DRC8: variants seen among roughly 807,000 people sequenced by gnomAD.
DRC8 encodes the protein dynein regulatory complex subunit 8, also known as dynein regulatory complex protein 8.
At chr1:245,012,232 G>A in the DRC8 span, among the ~76,000 whole-genome samples, 1 of 152,038 alleles carries the variant, frequency 6.6e-6, no homozygotes, top group Non-Finnish European at 1.5e-5. Flanking sequence ...GTTCTTTAGA[G>A]ATGGAAGGAT....
At chr1:245,022,101 A>G in the DRC8 span, among the ~76,000 whole-genome samples, 1 of 151,502 alleles carries the variant, frequency 6.6e-6, no homozygotes, top group Non-Finnish European at 1.5e-5. Flanking sequence ...CAGGTTTTCA[A>G]TATCACTAAT....
chr1:245,079,193 A>G, the DRC8 span, among the ~76,000 whole-genome samples: 3 of 152,118 alleles, frequency 2.0e-5, no homozygotes, highest in Non-Finnish European at 4.4e-5. Context: ...ATGTTTTTGT[A>G]CTCAAGAACA....
the DRC8 span, among the ~76,000 whole-genome samples, chr1:245,095,076 G>T: frequency 6.6e-6 from 1 of 152,192 alleles, no homozygotes; most frequent in Admixed American, 6.5e-5. Context: ...GGAGCCAAGG[G>T]GGCATCTGAG....
chr1:244,970,656 G>T, the DRC8 span: 3 of 38,792 alleles, frequency 7.7e-5, no homozygotes, highest in African/African-American at 5.6e-4. Flanking sequence ...GCCCCGCCCC[G>T]CCTCTCTCCC....
chr1:245,038,160 G>A, the DRC8 span, among the ~76,000 whole-genome samples: 1 of 152,140 alleles, frequency 6.6e-6, no homozygotes, highest in African/African-American at 2.4e-5. Context: ...AGCAAGAATA[G>A]GCAAGAAAAC....
the DRC8 span, among the ~76,000 whole-genome samples, chr1:244,976,554 G>A: frequency 6.6e-6 from 1 of 152,268 alleles, no homozygotes; most frequent in Non-Finnish European, 1.5e-5. Context: ...CTCAAGAATA[G>A]TCATAATTTT....
At chr1:245,081,140 ATT>A in the DRC8 span, among the ~76,000 whole-genome samples, 3 of 145,570 alleles carry the variant, frequency 2.1e-5, no homozygotes, top group East Asian at 2.6e-4. Flanking sequence ...TATTTTATTT[ATT>A]TTTTATTTTT....
the DRC8 span, among the ~76,000 whole-genome samples, chr1:245,072,771 C>T: frequency 6.6e-6 from 1 of 152,180 alleles, no homozygotes; most frequent in African/African-American, 2.4e-5. Flanking sequence ...CGGGCCGTCC[C>T]TTGGTGATAA....
chr1:245,056,774 A>G, the DRC8 span, among the ~76,000 whole-genome samples: 2 of 151,946 alleles, frequency 1.3e-5, no homozygotes, highest in Admixed American at 6.6e-5. Context: ...CATCTCTACT[A>G]AAAATACAAA....
At chr1:245,099,514 C>A in the DRC8 span, among the ~76,000 whole-genome samples, 1 of 152,226 alleles carries the variant, frequency 6.6e-6, no homozygotes, top group African/African-American at 2.4e-5. Flanking sequence ...CCACAGGCCA[C>A]AGGCCCTGTC....
the DRC8 span, among the ~76,000 whole-genome samples, chr1:245,016,548 CCTTA>C: frequency 6.6e-6 from 1 of 152,124 alleles, no homozygotes; most frequent in African/African-American, 2.4e-5. Flanking sequence ...ACACCATTTG[CCTTA>C]CTATGTATTT....
chr1:245,064,870 A>G, the DRC8 span, among the ~76,000 whole-genome samples: 11 of 152,022 alleles, frequency 7.2e-5, no homozygotes, highest in South Asian at 2.3e-3. Flanking sequence ...TTTTCCCCAG[A>G]GTTTGAAATT....
the DRC8 span, among the ~76,000 whole-genome samples, chr1:244,980,388 G>GT: frequency 6.6e-5 from 10 of 152,012 alleles, no homozygotes; most frequent in South Asian, 1.2e-3. Flanking sequence ...AAAAAATAAA[G>GT]TTTTTTTTAG....
the DRC8 span, among the ~76,000 whole-genome samples, chr1:245,091,988 C>T: frequency 5.9e-5 from 9 of 152,306 alleles, no homozygotes; most frequent in South Asian, 2.1e-4. Context: ...ACAGCTTGGC[C>T]GGGCCCTGTG....
At chr1:245,050,758 T>C in the DRC8 span, among the ~76,000 whole-genome samples, 5 of 152,228 alleles carry the variant, frequency 3.3e-5, no homozygotes, top group African/African-American at 7.2e-5. Context: ...TTCTTTTTGC[T>C]GGCTCTTTTT....
the DRC8 span, among the ~76,000 whole-genome samples, chr1:245,049,583 T>TA: frequency 4.6e-5 from 7 of 151,172 alleles, no homozygotes; most frequent in South Asian, 2.1e-4. The surrounding 1 kb of genome is among the most constrained non-coding windows in gnomAD (Gnocchi z 4.5). Flanking sequence ...AATCCTAGAC[T>TA]AAAAAAAAAC....
chr1:245,011,703 T>A, the DRC8 span, among the ~76,000 whole-genome samples: 5 of 152,240 alleles, frequency 3.3e-5, no homozygotes, highest in African/African-American at 1.2e-4. Context: ...GCATTAATTA[T>A]TCCTGATAGA....
chr1:245,049,685 T>A, the DRC8 span, among the ~76,000 whole-genome samples: 1 of 152,254 alleles, frequency 6.6e-6, no homozygotes, highest in East Asian at 1.9e-4. The surrounding 1 kb of genome is among the most constrained non-coding windows in gnomAD (Gnocchi z 4.5). Context: ...GCCCTGGATC[T>A]ACGGTCAAAG....
chr1:245,065,073 CTTTTTTTTT>C, the DRC8 span, among the ~76,000 whole-genome samples: 15 of 81,590 alleles, frequency 1.8e-4, no homozygotes, highest in South Asian at 1.5e-3. Context: ...TAACATTCTT[CTTTTTTTTT>C]TTTTTTTTTT....
Sources: gnomAD v4.1 joint callset for allele counts (sites outside exome capture counted in the v4.1 genomes callset) on GRCh38, gnomAD v4.1.1 for gene constraint, Gnocchi (gnomAD v3.1) non-coding constraint, MANE v1.5 for transcripts, NCBI Gene and HGNC (gene_info 2026-07-23, HGNC 2026-07-21) for gene names.